The following PDE4D variants were observed in gnomAD, a reference collection of about 807,000 sequenced individuals.
PDE4D encodes the protein phosphodiesterase 4D.
A neutral mutation model predicts 87.4 loss-of-function variants in PDE4D; 24 were observed. That is an observed-to-expected ratio of 0.27 (90% CI 0.20 to 0.39). PDE4D has a LOEUF of 0.39. PDE4D is among the 10% of genes least tolerant of loss of function. The pLI is 1.00. For missense variants in PDE4D, 714 were observed against 1,041.0 expected, an observed-to-expected ratio of 0.69 and a Z score of 4.32; for synonymous variants, 384 against 383.2, an observed-to-expected ratio of 1.00 and a Z score of -0.02.
At chr5:59,547,113 T>G (rs536241135) in intron 1 of PDE4D, among the ~76,000 whole-genome samples, 5 of 152,308 alleles carry the variant, frequency 3.3e-5, no homozygotes, top group African/African-American at 1.2e-4. Flanking sequence ...TTAATAAATA[T>G]ATTATCTAAT....
intron 1 of PDE4D, among the ~76,000 whole-genome samples, chr5:59,835,009 T>C (rs1249281763): frequency 6.6e-6 from 1 of 152,016 alleles, no homozygotes. Flanking sequence ...CACAATCAGA[T>C]AGTCCTTGAA....
At chr5:59,704,879 T>G (rs996505008) in intron 1 of PDE4D, among the ~76,000 whole-genome samples, 5 of 152,186 alleles carry the variant, frequency 3.3e-5, no homozygotes. Context: ...CCTTAAAATG[T>G]TTCCTTTGAA....
chr5:59,096,196 T>A (rs1039254828), intron 5 of PDE4D, among the ~76,000 whole-genome samples: 1 of 152,146 alleles, frequency 6.6e-6, no homozygotes, highest in Admixed American at 6.5e-5. Context: ...GCAATGGTTT[T>A]TTTAATAATA....
chr5:60,381,285 A>G (rs1456897161), intron 1 of PDE4D, among the ~76,000 whole-genome samples: 1 of 152,196 alleles, frequency 6.6e-6, no homozygotes, highest in African/African-American at 2.4e-5. Flanking sequence ...TCCCTGGTTG[A>G]CAACACTTTG....
intron 1 of PDE4D, among the ~76,000 whole-genome samples, chr5:59,456,296 T>C (rs942406042): frequency 6.6e-6 from 1 of 152,186 alleles, no homozygotes; most frequent in Non-Finnish European, 1.5e-5. Flanking sequence ...TGTGCTATTC[T>C]CCTGATAGTA....
At chr5:59,284,272 T>G (rs569861519) in intron 1 of PDE4D, among the ~76,000 whole-genome samples, 10 of 152,114 alleles carry the variant, frequency 6.6e-5, no homozygotes, top group Non-Finnish European at 1.2e-4. Context: ...CTCTCTTCAT[T>G]TGGTTAACTA....
intron 1 of PDE4D, among the ~76,000 whole-genome samples, chr5:59,449,419 C>T (rs539631576): frequency 7.9e-5 from 12 of 152,270 alleles, no homozygotes; most frequent in Admixed American, 3.3e-4. Flanking sequence ...TTCCTTCTAA[C>T]GTCGTTATAA....
At chr5:60,233,371 C>A (rs929050262) in intron 1 of PDE4D, among the ~76,000 whole-genome samples, 4 of 151,714 alleles carry the variant, frequency 2.6e-5, no homozygotes, top group Non-Finnish European at 5.9e-5. Flanking sequence ...TTTGAGCCAT[C>A]TGGTTCCAAA....
rs377286583 is a variant in PDE4D, at chr5:60,423,231, C to A, written c.-90+64711G>T. Among the ~76,000 whole-genome samples, 15 of 152,326 alleles carry A rather than the reference C, an allele frequency of 9.8e-5. No individual in the cohort carries two copies. The East Asian group carries it at 2.1e-3, about 22-fold the overall frequency. ...TACAGAACTCTCCACCCCAAATCTACAGAATATACATTCTTCTCAGGACCA... is the reference window on the plus strand; with the variant it reads ...TACAGAACTCTCCACCCCAAATCTAAAGAATATACATTCTTCTCAGGACCA... On this transcript the variant is annotated intron_variant, in intron 1 of 16. Transcript: ENST00000502484.
intron 5 of PDE4D, chr5:59,039,824 GC>G (rs1309574348): frequency 6.5e-6 from 1 of 152,678 alleles, no homozygotes; most frequent in Non-Finnish European, 1.5e-5. Context: ...TGTCTGTGGG[GC>G]TGCTGTGGGA....
intron 2 of PDE4D, among the ~76,000 whole-genome samples, chr5:60,158,295 A>G (rs1562164497): frequency 1.3e-5 from 2 of 152,196 alleles, no homozygotes. Flanking sequence ...CCTGTATGCC[A>G]TGTTACTGTA....
At chr5:60,519,227 G>A (rs549392676) in intron 1 of PDE4D, among the ~76,000 whole-genome samples, 2 of 152,162 alleles carry the variant, frequency 1.3e-5, no homozygotes, top group Non-Finnish European at 2.9e-5. Context: ...TTAAAGCCCT[G>A]ACCTAAATTT....
At chr5:60,270,135 T>G (rs1294425587) in intron 1 of PDE4D, among the ~76,000 whole-genome samples, 1 of 152,142 alleles carries the variant, frequency 6.6e-6, no homozygotes, top group Admixed American at 6.5e-5. Flanking sequence ...GAGTATACCA[T>G]GAACCAAGAC....
At chr5:60,117,907 C>G (rs975658658) in intron 2 of PDE4D, among the ~76,000 whole-genome samples, 1 of 151,882 alleles carries the variant, frequency 6.6e-6, no homozygotes. Flanking sequence ...TTCTTCCACC[C>G]CCTCAATCTG....
chr5:59,171,881 T>G (rs1174942347), intron 5 of PDE4D, among the ~76,000 whole-genome samples: 1 of 129,716 alleles, frequency 7.7e-6, no homozygotes, highest in Non-Finnish European at 1.6e-5. Flanking sequence ...ATGAGAAATA[T>G]ATTTATTATA....
intron 11 of PDE4D, among the ~76,000 whole-genome samples, chr5:58,979,391 T>C (rs1018769132): frequency 2.6e-5 from 4 of 152,176 alleles, no homozygotes; most frequent in African/African-American, 4.8e-5. Flanking sequence ...AAAGTGGTGG[T>C]GACTGTTGAT....
At chr5:60,058,473 G>C (rs1191919039) in intron 2 of PDE4D, among the ~76,000 whole-genome samples, 1 of 151,838 alleles carries the variant, frequency 6.6e-6, no homozygotes, top group Non-Finnish European at 1.5e-5. Context: ...TTCCTTTTCA[G>C]TGTTAGCACT....
chr5:59,874,094 G>C (rs936799749), intron 1 of PDE4D, among the ~76,000 whole-genome samples: 22 of 151,936 alleles, frequency 1.4e-4, no homozygotes, highest in African/African-American at 4.8e-4. Flanking sequence ...GGCTCCCTAC[G>C]CAGGAGGCTG....
intron 1 of PDE4D, among the ~76,000 whole-genome samples, chr5:59,860,774 C>A (rs969142719): frequency 3.3e-5 from 5 of 152,172 alleles, no homozygotes; most frequent in Admixed American, 1.3e-4. Context: ...CAAGATACTA[C>A]CCTACTTAAT....
Sources: gnomAD v4.1 joint callset for allele counts (sites outside exome capture counted in the v4.1 genomes callset) on GRCh38, gnomAD v4.1.1 for gene constraint, MANE v1.5 for transcripts, NCBI Gene and HGNC (gene_info 2026-07-23, HGNC 2026-07-21) for gene names.